STXBP3: variants seen among roughly 807,000 people sequenced by gnomAD.
The protein encoded by STXBP3 is syntaxin-binding protein 3.
STXBP3 carries 41 observed loss-of-function variants against 85.7 expected under a neutral mutation model. The ratio of observed to expected loss-of-function variants is 0.48; its 90% CI spans 0.37 to 0.62. STXBP3 has a LOEUF of 0.62. Among genes scored for constraint, STXBP3 ranks in the 20% least tolerant of loss-of-function variants. The pLI is 0.00. For synonymous variants in STXBP3, 229 were observed against 231.7 expected (o/e 0.99, Z 0.10); for missense variants, 563 against 703.1 (o/e 0.80, Z 2.25).
At chr1:108,757,693 C>G (rs536414694) in intron 4 of STXBP3, among the ~76,000 whole-genome samples, 1 of 151,936 alleles carries the variant, frequency 6.6e-6, no homozygotes, top group African/African-American at 2.4e-5. Context: ...TAGATTGATA[C>G]AGCCTTTTTG....
chr1:108,769,095 A>AT (rs34945294), intron 6 of STXBP3, among the ~76,000 whole-genome samples: 108,060 of 151,800 alleles, frequency 0.71, 39,437 homozygotes, highest in Non-Finnish European at 0.77. Flanking sequence ...AATAACACAT[A>AT]TTTTAATATT....
intron 3 of STXBP3, 100 bp downstream of exon 3, chr1:108,753,244 T>G: frequency 1.4e-6 from 1 of 737,280 alleles, no homozygotes; most frequent in Non-Finnish European, 2.1e-6. Context: ...GAGCTTATTT[T>G]TTTAAATTAC....
rs116739586 is a variant in STXBP3, at chr1:108,750,933, T to C, written c.50-1324T>C. 2.3e-3 allele frequency among the ~76,000 whole-genome samples: 352 copies of C among 152,278 alleles called. 4 individuals carry two copies. Among genetic ancestry groups the C allele is most frequent in the African/African-American group, 7.9e-3 (329 of 41,550 alleles). ...TGAACAGCCAGGTTGGAGAGGTACA[T>C]AGGGTAAGGTCAAAAAAGGTCCTAA... On this transcript the variant is annotated intron_variant, in intron 1 of 18. Coordinates refer to ENST00000370008, the MANE Select transcript of STXBP3 (RefSeq NM_007269.4).
At chr1:108,766,000 G>A (rs1415008759) in intron 6 of STXBP3, among the ~76,000 whole-genome samples, 1 of 151,744 alleles carries the variant, frequency 6.6e-6, no homozygotes, top group African/African-American at 2.4e-5. Context: ...TTACAGGCAT[G>A]TGCCACCAAG....
chr1:108,796,910 C>T (rs996875361), intron 15 of STXBP3, among the ~76,000 whole-genome samples, 184 bp downstream of exon 15: 2 of 151,680 alleles, frequency 1.3e-5, no homozygotes, highest in African/African-American at 4.8e-5. Flanking sequence ...AGTTTTCTAG[C>T]GAATTTGTAT....
chr1:108,761,577 T>A (rs893166783), intron 6 of STXBP3, among the ~76,000 whole-genome samples: 1 of 152,210 alleles, frequency 6.6e-6, no homozygotes, highest in African/African-American at 2.4e-5. Flanking sequence ...TTTCTACTTA[T>A]CAGTCTTTAC....
chr1:108,796,103 G>A (rs1234985747), intron 13 of STXBP3, 131 bp from the exon 14 acceptor site: 3 of 817,732 alleles, frequency 3.7e-6, no homozygotes, highest in Non-Finnish European at 5.5e-6. Context: ...CTGACCTCAG[G>A]TGATCTGCCT....
chr1:108,800,451 C>T (rs1663208905), intron 17 of STXBP3, 146 bp downstream of exon 17: 1 of 567,478 alleles, frequency 1.8e-6, no homozygotes, highest in African/African-American at 1.9e-5. Context: ...TTAAATGAAT[C>T]CAGATAAGCA....
intron 3 of STXBP3, among the ~76,000 whole-genome samples, chr1:108,756,317 A>G (rs1662016624): frequency 6.6e-6 from 1 of 152,070 alleles, no homozygotes; most frequent in South Asian, 2.1e-4. Flanking sequence ...TGCCTGTTCC[A>G]CTTCCTAACT....
At chr1:108,796,398 A>C (rs1350237997) in intron 14 of STXBP3, 26 bp downstream of exon 14, 1 of 1,421,612 alleles carries the variant, frequency 7.0e-7, no homozygotes, top group South Asian at 1.3e-5. Flanking sequence ...ACTTTTTAAT[A>C]AGTATTTTAC....
intron 7 of STXBP3, among the ~76,000 whole-genome samples, chr1:108,773,343 C>T (rs550078141): frequency 6.6e-6 from 1 of 152,214 alleles, no homozygotes; most frequent in South Asian, 2.1e-4. Flanking sequence ...TAAGTCCTCA[C>T]TTAAAATGTT....
chr1:108,774,418 G>C (rs1662542911), intron 7 of STXBP3, among the ~76,000 whole-genome samples: 2 of 151,912 alleles, frequency 1.3e-5, no homozygotes, highest in Admixed American at 1.3e-4. Context: ...TTGAACATTG[G>C]CATTTGTCAA....
intron 5 of STXBP3, 59 bp downstream of exon 5, chr1:108,758,647 C>T (rs945551503): frequency 1.2e-5 from 12 of 1,008,628 alleles, no homozygotes; most frequent in African/African-American, 5.0e-5. Flanking sequence ...TTTAAACTGT[C>T]GACTTTTTAA....
chr1:108,796,748 A>T (rs959357046), intron 15 of STXBP3, 22 bp downstream of exon 15: 4 of 1,582,116 alleles, frequency 2.5e-6, no homozygotes, highest in Admixed American at 1.7e-5. Flanking sequence ...TATGTTGTGT[A>T]TATACTTTAT....
At chr1:108,786,174 A>G (rs1002875934) in intron 11 of STXBP3, among the ~76,000 whole-genome samples, 1 of 152,226 alleles carries the variant, frequency 6.6e-6, no homozygotes, top group Non-Finnish European at 1.5e-5. Flanking sequence ...TCACAGTTCC[A>G]TATGGCTGCA....
At chr1:108,751,727 T>C (rs1298548663) in intron 1 of STXBP3, among the ~76,000 whole-genome samples, 1 of 152,128 alleles carries the variant, frequency 6.6e-6, no homozygotes, top group Non-Finnish European at 1.5e-5. Flanking sequence ...TTAAAACATA[T>C]TTAGATAATT....
At chr1:108,759,644 A>G (rs1384057219) in intron 5 of STXBP3, among the ~76,000 whole-genome samples, 1 of 152,156 alleles carries the variant, frequency 6.6e-6, no homozygotes, top group African/African-American at 2.4e-5. Flanking sequence ...AAGTAGTATA[A>G]ATTTCTAAGA....
chr1:108,773,245 A>G (rs1662507157), intron 7 of STXBP3, among the ~76,000 whole-genome samples: 1 of 152,142 alleles, frequency 6.6e-6, no homozygotes, highest in Non-Finnish European at 1.5e-5. Flanking sequence ...TTAAGGGGTA[A>G]AATTTAACTT....
At chr1:108,776,516 A>T in intron 8 of STXBP3, 93 bp downstream of exon 8, 2 of 881,482 alleles carry the variant, frequency 2.3e-6, no homozygotes, top group Non-Finnish European at 3.4e-6. Context: ...TCTAGTATTG[A>T]TTTGGGAGTC....
Sources: allele counts gnomAD v4.1 joint callset (sites outside exome capture counted in the v4.1 genomes callset), GRCh38; gene constraint gnomAD v4.1.1; transcripts MANE v1.5; gene names NCBI Gene and HGNC (gene_info 2026-07-23, HGNC 2026-07-21).